INTS10: variants seen among roughly 807,000 people sequenced by gnomAD.
INTS10 encodes the protein chromosome 8 open reading frame 35.
In INTS10, 44 loss-of-function variants were observed where a neutral mutation model predicts 94.4. That is an observed-to-expected ratio of 0.47 (90% CI 0.37 to 0.60). The LOEUF is 0.60. Ranked by LOEUF, INTS10 falls within the 20% of genes least tolerant of loss-of-function variation. The pLI is 0.00. For synonymous variants in INTS10, 341 were observed against 320.7 expected (o/e 1.06, Z -0.68); for missense variants, 797 against 868.7 (o/e 0.92, Z 1.04).
intron 13 of INTS10, among the ~76,000 whole-genome samples, chr8:19,840,062 CAAAAAAAA>C (rs56275270): frequency 1.1e-4 from 8 of 70,332 alleles, no homozygotes; most frequent in African/African-American, 4.5e-4. Flanking sequence ...GACCTTGTCT[CAAAAAAAA>C]AAAAAAAAAA....
Position 19,819,612 on chromosome 8 carries a change from AATCAGCATTATTAC to A in INTS10, c.248_261del (p.Ile83LysfsTer17). The A allele has an allele frequency of 1.9e-6, 3 of 1,613,582 alleles. No individual in the cohort carries two copies. The highest frequency in any genetic ancestry group is 2.5e-6 in the Non-Finnish European group (3 of 1,179,720). Reference sequence around the variant, plus strand: ...CAGACCAGCCGGTGGTGTGGAGAGAAATCAGCATTATTACATCAGCATTAAGGAACGATTCACAG... The same window carrying A: ...CAGACCAGCCGGTGGTGTGGAGAGAAATCAGCATTAAGGAACGATTCACAG... On this transcript the variant is annotated frameshift_variant, in exon 3 of 17. Coordinates refer to ENST00000397977, the MANE Select transcript of INTS10 (RefSeq NM_018142.4). LOFTEE classifies it high-confidence loss of function.
rs1177714689 is a variant in INTS10 at position 19,820,328 on chromosome 8, A to G, written c.302-51A>G. The G allele has an allele frequency of 4.5e-6, 7 of 1,561,886 alleles. No homozygotes were observed. In the African/African-American group the frequency reaches 6.8e-5, roughly 15 times the overall value. On this transcript the variant is annotated intron_variant, in intron 3 of 16. Transcript: ENST00000397977. The stretch of plus-strand genomic sequence containing the variant: ...ATGCCTTACTCAGCACTGTTGCTGC[A>G]GTCTTTTCTGTCCGCAAGAAACTTT...
chr8:19,818,989 C>A (rs2066158246), intron 2 of INTS10: 1 of 152,406 alleles, frequency 6.6e-6, no homozygotes, highest in Non-Finnish European at 1.5e-5. Flanking sequence ...GATTCTAAGA[C>A]ATTTTCATAG....
At chr8:19,833,384 C>A (rs2067397810) in intron 12 of INTS10, 63 bp downstream of exon 12, 15 of 1,297,932 alleles carry the variant, frequency 1.2e-5, no homozygotes, top group East Asian at 1.1e-4. Flanking sequence ...TTTCTCCTTT[C>A]CCTAGCGTGG....
intron 16 of INTS10, among the ~76,000 whole-genome samples, chr8:19,850,878 G>T (rs1026818124): frequency 3.1e-4 from 47 of 152,250 alleles, no homozygotes; most frequent in African/African-American, 1.1e-3. Context: ...GTAGTTAAGA[G>T]ACATTTTTCC....
intron 2 of INTS10, among the ~76,000 whole-genome samples, chr8:19,819,276 C>T (rs977625803): frequency 1.3e-5 from 2 of 152,108 alleles, no homozygotes; most frequent in African/African-American, 4.8e-5. Context: ...CTGTGATTTG[C>T]CTTTGCCTAT....
intron 15 of INTS10, among the ~76,000 whole-genome samples, chr8:19,845,137 T>G (rs2128808611): frequency 6.6e-6 from 1 of 152,282 alleles, no homozygotes; most frequent in East Asian, 1.9e-4. Flanking sequence ...AATTTTTCAC[T>G]AGAAAAATGC....
intron 2 of INTS10, 110 bp from the exon 3 acceptor site, chr8:19,819,463 A>G (rs544050598): frequency 1.4e-6 from 1 of 704,298 alleles, no homozygotes; most frequent in Admixed American, 3.0e-5. Context: ...TGGCACGTCT[A>G]AGCATTCACT....
At chr8:19,823,506 C>A in intron 6 of INTS10, 65 bp downstream of exon 6, 1 of 1,095,634 alleles carries the variant, frequency 9.1e-7, no homozygotes, top group Non-Finnish European at 1.4e-6. Flanking sequence ...ATTCAGAAAC[C>A]CCTCAATGTT....
chr8:19,826,281 C>T, intron 8 of INTS10, 145 bp from the exon 9 acceptor site: 1 of 690,160 alleles, frequency 1.4e-6, no homozygotes, highest in East Asian at 2.9e-5. Flanking sequence ...GGGGTTTCGC[C>T]ATGTTGCCCA....
At chr8:19,844,803 T>C (rs2068436554) in intron 15 of INTS10, among the ~76,000 whole-genome samples, 1 of 152,182 alleles carries the variant, frequency 6.6e-6, no homozygotes, top group Non-Finnish European at 1.5e-5. Flanking sequence ...ATTTGGGTGT[T>C]TTTACTTCAT....
chr8:19,823,189 C>T (rs1459125635), intron 5 of INTS10, 112 bp from the exon 6 acceptor site: 1 of 774,326 alleles, frequency 1.3e-6, no homozygotes, highest in East Asian at 2.5e-5. Flanking sequence ...GGGATTTTTC[C>T]CCCTATATAT....
intron 7 of INTS10, 76 bp from the exon 8 acceptor site, chr8:19,824,727 A>C (rs986574406): frequency 2.0e-5 from 20 of 977,404 alleles, no homozygotes; most frequent in Admixed American, 2.5e-5. Context: ...TAATGGTACC[A>C]CCAGAGCTTT....
chr8:19,844,102 C>T lies in INTS10; in HGVS notation c.1746C>T (p.Asp582=), dbSNP rs374552952. Residue 582 remains aspartate, a synonymous_variant, in exon 15 of 17, where the codon GAC becomes GAT. Coordinates refer to ENST00000397977, the MANE Select transcript of INTS10 (RefSeq NM_018142.4). ...FKLRAFTDNR[D]DMALGHVIVL... ...TTAGAGCTTTCACAGACAACAGAGACGACATGGCATTGGGGCATGTGATTG... is the reference window on the plus strand; with the variant it reads ...TTAGAGCTTTCACAGACAACAGAGATGACATGGCATTGGGGCATGTGATTG... 3.4e-5 allele frequency: 55 copies of T among 1,611,024 alleles called. No homozygotes were observed. Among genetic ancestry groups the T allele is most frequent in the Middle Eastern group, 1.7e-4 (1 of 6,060 alleles).
At position 19,846,444 on chromosome 8, in the gene INTS10, A is replaced by C. The variant is rs866339610; in HGVS notation, c.1976+647A>C. ...GTGAAACTCCATCTCAAAAAAAAAA[A>C]CAAACAAACAAAACAGCTGTGCTTA... On this transcript the variant is annotated intron_variant, in intron 16 of 16. Coordinates refer to ENST00000397977, the MANE Select transcript of INTS10 (RefSeq NM_018142.4). The surrounding 1 kb of genome is among the most constrained non-coding windows in gnomAD (Gnocchi z 4.2). Among the ~76,000 whole-genome samples, 4 of 143,502 alleles carry C rather than the reference A, an allele frequency of 2.8e-5. No homozygotes were observed. The highest frequency in any genetic ancestry group is 7.9e-5 in the African/African-American group (3 of 37,914). 94.1% of individuals were successfully genotyped at this position (143,502 alleles called of 152,430 possible).
At chr8:19,822,371 A>T in intron 4 of INTS10, 68 bp from the exon 5 acceptor site, 1 of 856,522 alleles carries the variant, frequency 1.2e-6, no homozygotes, top group South Asian at 1.5e-5. Context: ...AAAATACCCC[A>T]TTACTTCATA....
intron 12 of INTS10, among the ~76,000 whole-genome samples, chr8:19,835,765 C>A (rs2067606653): frequency 6.6e-6 from 1 of 152,166 alleles, no homozygotes; most frequent in South Asian, 2.1e-4. Context: ...TCTAGAGGTG[C>A]CAATATATGG....
chr8:19,820,544 T>C, intron 4 of INTS10, 26 bp downstream of exon 4: 1 of 1,594,000 alleles, frequency 6.3e-7, no homozygotes, highest in Non-Finnish European at 8.6e-7. Flanking sequence ...TCCCCTTCTT[T>C]TAATATAAAA....
intron 10 of INTS10, among the ~76,000 whole-genome samples, 179 bp from the exon 11 acceptor site, chr8:19,831,849 A>G (rs1016835104): frequency 6.6e-6 from 1 of 152,176 alleles, no homozygotes; most frequent in African/African-American, 2.4e-5. Context: ...TGTATTACTG[A>G]TAAGTGTTGT....
Sources: allele counts gnomAD v4.1 joint callset (sites outside exome capture counted in the v4.1 genomes callset), GRCh38; gene constraint gnomAD v4.1.1; non-coding constraint Gnocchi (gnomAD v3.1); transcripts MANE v1.5; gene names NCBI Gene and HGNC (gene_info 2026-07-23, HGNC 2026-07-21).